The following TENM4 variants were observed in gnomAD, a reference collection of about 807,000 sequenced individuals.
TENM4 encodes the protein teneurin transmembrane protein 4, also known as teneurin-4.
TENM4 carries 82 observed loss-of-function variants against 243.3 expected under a neutral mutation model. The ratio of observed to expected loss-of-function variants is 0.34; its 90% CI spans 0.28 to 0.40. The LOEUF (loss-of-function observed/expected upper bound fraction) is 0.40, where lower values mean the gene tolerates loss of function less well. Ranked by LOEUF, TENM4 falls within the 10% of genes least tolerant of loss-of-function variation. The pLI is 1.00. For synonymous variants in TENM4, 1,412 were observed against 1,456.3 expected, an observed-to-expected ratio of 0.97 and a Z score of 0.69; for missense variants, 3,138 against 3,673.3, an observed-to-expected ratio of 0.85 and a Z score of 3.77.
intron 19 of TENM4, among the ~76,000 whole-genome samples, 183 bp from the exon 20 acceptor site, chr11:78,738,753 G>GTGA (rs1855855222): frequency 6.6e-6 from 1 of 152,184 alleles, no homozygotes; most frequent in African/African-American, 2.4e-5. Context: ...TCAGTTTAGG[G>GTGA]CATCAAAGTG....
At position 79,115,180 on chromosome 11, in the gene TENM4, C is replaced by T. The variant is rs143074743; in HGVS notation, c.-66+33530G>A. 1.7e-3 allele frequency among the ~76,000 whole-genome samples: 265 copies of T among 152,092 alleles called. 1 individual carries two copies. Among genetic ancestry groups the T allele is most frequent in the Non-Finnish European group, 2.8e-3 (192 of 68,008 alleles). On this transcript the variant is annotated intron_variant, in intron 4 of 33. Coordinates refer to ENST00000278550, the MANE Select transcript of TENM4 (RefSeq NM_001098816.3). Reference sequence around the variant, plus strand: ...AGGAAGTGAATAAGCACTTGGATGACGGAAACTTGGAAAATGTCAACATGT... The same window carrying T: ...AGGAAGTGAATAAGCACTTGGATGATGGAAACTTGGAAAATGTCAACATGT...
At chr11:78,871,889 T>C (rs1766309520) in intron 9 of TENM4, among the ~76,000 whole-genome samples, 1 of 152,166 alleles carries the variant, frequency 6.6e-6, no homozygotes, top group Admixed American at 6.5e-5. Flanking sequence ...TGAGGATTAT[T>C]ATTAAAGAAA....
chr11:78,764,474 C>G (rs1324305983), intron 18 of TENM4, among the ~76,000 whole-genome samples: 2 of 152,256 alleles, frequency 1.3e-5, no homozygotes, highest in African/African-American at 4.8e-5. Context: ...ATGCACAGCA[C>G]AGTGCTTTGC....
At chr11:79,116,793 G>T (rs1391185105) in intron 4 of TENM4, among the ~76,000 whole-genome samples, 2 of 152,292 alleles carry the variant, frequency 1.3e-5, no homozygotes, top group South Asian at 2.1e-4. Flanking sequence ...CAGCCATGTT[G>T]CCTTGGACAC....
chr11:78,825,797 C>G (rs934065620), intron 12 of TENM4, among the ~76,000 whole-genome samples: 2 of 152,178 alleles, frequency 1.3e-5, no homozygotes, highest in Non-Finnish European at 2.9e-5. Context: ...ACACAGTGAC[C>G]GGCTGATCAT....
At chr11:78,829,016 G>T (rs1857919306) in intron 12 of TENM4, among the ~76,000 whole-genome samples, 1 of 152,246 alleles carries the variant, frequency 6.6e-6, no homozygotes, top group African/African-American at 2.4e-5. Flanking sequence ...AGGTTTGGAA[G>T]TGGTTTGGTG....
intron 6 of TENM4, among the ~76,000 whole-genome samples, chr11:78,977,040 T>A (rs1449745324): frequency 6.6e-6 from 1 of 152,164 alleles, no homozygotes; most frequent in Admixed American, 6.5e-5. Context: ...TCTGAAATAA[T>A]GATATGGACA....
At chr11:79,104,020 C>A (rs546344861) in intron 4 of TENM4, among the ~76,000 whole-genome samples, 4 of 152,310 alleles carry the variant, frequency 2.6e-5, no homozygotes, top group African/African-American at 9.6e-5. Context: ...TCTTAGAACA[C>A]CCCTATCCCA....
chr11:79,423,847 T>C (rs1858992025), intron 1 of TENM4, among the ~76,000 whole-genome samples: 1 of 152,010 alleles, frequency 6.6e-6, no homozygotes, highest in African/African-American at 2.4e-5. Context: ...TCACAATACT[T>C]CTAGTCCTTT....
intron 15 of TENM4, among the ~76,000 whole-genome samples, chr11:78,798,242 C>T (rs1291792146): frequency 3.3e-5 from 5 of 152,182 alleles, no homozygotes; most frequent in Middle Eastern, 3.2e-3. Flanking sequence ...TATTTTAACC[C>T]GGTTGCTACT....
intron 1 of TENM4, among the ~76,000 whole-genome samples, chr11:79,308,696 CG>C: frequency 6.6e-6 from 1 of 152,320 alleles, no homozygotes; most frequent in African/African-American, 2.4e-5. Flanking sequence ...CTACACGGCA[CG>C]TTAGAGTTAA....
intron 3 of TENM4, among the ~76,000 whole-genome samples, chr11:79,175,539 A>G (rs1350160426): frequency 2.0e-5 from 3 of 152,234 alleles, no homozygotes; most frequent in Non-Finnish European, 4.4e-5. Context: ...ATGAATATTT[A>G]ATGACATGGA....
At chr11:79,138,571 TATATTTATATAAATACATAAAAC>T (rs1862171089) in intron 4 of TENM4, among the ~76,000 whole-genome samples, 3 of 15,792 alleles carry the variant, frequency 1.9e-4, no homozygotes, top group African/African-American at 3.4e-4. Context: ...ACATAAAACA[TATATTTATATAAATACATAAAAC>T]ATATATTATA....
chr11:78,865,719 G>T (rs4944215), intron 9 of TENM4, among the ~76,000 whole-genome samples: 1 of 152,008 alleles, frequency 6.6e-6, no homozygotes, highest in African/African-American at 2.4e-5. Context: ...GCTTCAGCCA[G>T]GAGGCCACGC....
intron 4 of TENM4, among the ~76,000 whole-genome samples, chr11:79,138,926 C>A (rs528163563): frequency 1.2e-3 from 62 of 50,452 alleles, no homozygotes; most frequent in African/African-American, 7.7e-3. Context: ...TATTACATTT[C>A]CATAAATATA....
chr11:79,247,803 C>T (rs1855546168), intron 2 of TENM4, among the ~76,000 whole-genome samples: 1 of 152,218 alleles, frequency 6.6e-6, no homozygotes, highest in Non-Finnish European at 1.5e-5. Context: ...AACCAAAAGA[C>T]AACTCAGTTG....
intron 6 of TENM4, among the ~76,000 whole-genome samples, chr11:79,046,330 C>T (rs879854154): frequency 6.6e-6 from 1 of 152,044 alleles, no homozygotes; most frequent in East Asian, 1.9e-4. Flanking sequence ...GTTCATGGAG[C>T]ACCAAAAAGC....
intron 6 of TENM4, among the ~76,000 whole-genome samples, chr11:78,962,413 AC>A (rs1164060450): frequency 7.4e-6 from 1 of 135,596 alleles, no homozygotes; most frequent in African/African-American, 2.7e-5. Context: ...TTTGAGGCAC[AC>A]GGGGAGGGGG....
At chr11:79,120,855 T>C (rs1244479712) in intron 4 of TENM4, among the ~76,000 whole-genome samples, 1 of 152,210 alleles carries the variant, frequency 6.6e-6, no homozygotes, top group Non-Finnish European at 1.5e-5. Context: ...TTGTTGGGCA[T>C]TATTCTAACT....
Sources: gnomAD v4.1 joint callset for allele counts (sites outside exome capture counted in the v4.1 genomes callset) on GRCh38, gnomAD v4.1.1 for gene constraint, MANE v1.5 for transcripts, NCBI Gene and HGNC (gene_info 2026-07-23, HGNC 2026-07-21) for gene names.